PRR14L: variants seen among roughly 807,000 people sequenced by gnomAD.
PRR14L encodes protein PRR14L.
In PRR14L, 80 loss-of-function variants were observed where a neutral mutation model predicts 155.0. The ratio of observed to expected loss-of-function variants is 0.52; its 90% CI spans 0.43 to 0.62. PRR14L has a LOEUF of 0.62. PRR14L is among the 20% of genes least tolerant of loss of function. The pLI is 0.00. For missense variants in PRR14L, 2,469 were observed against 2,548.0 expected (o/e 0.97, Z 0.67); for synonymous variants, 883 against 916.0 (o/e 0.96, Z 0.65).
At chr22:31,711,699 G>A (rs1031046852) in intron 4 of PRR14L, among the ~76,000 whole-genome samples, 8 of 144,808 alleles carry the variant, frequency 5.5e-5, no homozygotes, top group Non-Finnish European at 1.2e-4. Context: ...GAGGAGAATC[G>A]CTTGAACCCG....
chr22:31,749,030 T>C (rs1442364719), intron 1 of PRR14L, among the ~76,000 whole-genome samples: 3 of 152,176 alleles, frequency 2.0e-5, no homozygotes, highest in African/African-American at 7.2e-5. Flanking sequence ...TGCTTCTCTG[T>C]GCAAGATATT....
chr22:31,747,818 A>AC (rs1404603357), intron 1 of PRR14L, among the ~76,000 whole-genome samples: 4 of 151,720 alleles, frequency 2.6e-5, no homozygotes, highest in Admixed American at 6.6e-5. Context: ...CAAAAAAAAA[A>AC]AAAAACAAAA....
intron 7 of PRR14L, among the ~76,000 whole-genome samples, chr22:31,701,021 CTT>C (rs1202976605): frequency 6.7e-6 from 1 of 150,206 alleles, no homozygotes; most frequent in South Asian, 2.1e-4. Flanking sequence ...GAGTTTTGCT[CTT>C]GTTGCCTAGG....
chr22:31,706,061 T>G (rs1378989182), intron 4 of PRR14L, among the ~76,000 whole-genome samples: 1 of 150,678 alleles, frequency 6.6e-6, no homozygotes, highest in Non-Finnish European at 1.5e-5. Context: ...CCAATCGTAG[T>G]GACTCACACC....
chr22:31,732,424 C>T (rs1476192771), intron 2 of PRR14L, among the ~76,000 whole-genome samples: 3 of 152,176 alleles, frequency 2.0e-5, no homozygotes, highest in African/African-American at 7.2e-5. Flanking sequence ...ACCTGCTTTC[C>T]TTCTAGGAGT....
chr22:31,714,567 T>C lies in PRR14L; in HGVS notation c.3272A>G (p.Asp1091Gly). Residue 1091 changes from aspartate (D) to glycine (G), a missense_variant, in exon 4 of 9, where the codon GAC (aspartate) becomes GGC (glycine). Coordinates refer to ENST00000327423, the MANE Select transcript of PRR14L (RefSeq NM_173566.3). ...ARQEKLAFQE[D>G]SRSTLSRREL... is the part of the protein sequence containing the mutation. Reference sequence around the variant, plus strand: ...TCTCCGAGACAAGGTACTCCTGGAGTCCTCTTGAAATGCCAGTTTCTCTTG... The same window carrying C: ...TCTCCGAGACAAGGTACTCCTGGAGCCCTCTTGAAATGCCAGTTTCTCTTG... 6.4e-7 allele frequency: 1 copy of C among 1,551,834 alleles called. No individual in the cohort carries two copies. Among genetic ancestry groups the C allele is most frequent in the Non-Finnish European group, 8.7e-7 (1 of 1,147,002 alleles).
chr22:31,696,518 C>T (rs909327412), intron 7 of PRR14L, among the ~76,000 whole-genome samples: 3 of 152,116 alleles, frequency 2.0e-5, no homozygotes, highest in African/African-American at 7.2e-5. Flanking sequence ...AGTGATCCTC[C>T]CACCTTGGCC....
intron 2 of PRR14L, among the ~76,000 whole-genome samples, chr22:31,733,984 C>CT (rs2074765381): frequency 6.6e-6 from 1 of 151,422 alleles, no homozygotes; most frequent in African/African-American, 2.4e-5. Flanking sequence ...TTTTCTTTTT[C>CT]TTTTTTTGAA....
intron 7 of PRR14L, 32 bp from the exon 8 acceptor site, chr22:31,688,259 G>T: frequency 6.5e-7 from 1 of 1,536,218 alleles, no homozygotes; most frequent in South Asian, 1.2e-5. Context: ...AATTCTTCAG[G>T]TTCTCTCTCT....
chr22:31,714,510 C>T lies in PRR14L; in HGVS notation c.3329G>A (p.Gly1110Asp). The T allele has an allele frequency of 6.4e-7, 1 of 1,552,150 alleles. No individual in the cohort carries two copies. The highest frequency in any genetic ancestry group is 8.7e-7 in the Non-Finnish European group (1 of 1,147,084). ...AGTAACTGGGAAATCTGAATCCTGA[C>T]CAGTTGTTCCTGTATGTGCAGCATC... The part of the protein sequence containing the change: ...ELDAAHTGTT[G>D]QDSDFPVTAA... The change falls in exon 4 of 9, where the codon GGT becomes GAT. Residue 1110 changes from glycine (G) to aspartate (D), a missense_variant. Transcript: ENST00000327423.
At chr22:31,689,895 G>A (rs1362356079) in intron 7 of PRR14L, among the ~76,000 whole-genome samples, 2 of 151,414 alleles carry the variant, frequency 1.3e-5, no homozygotes, top group Non-Finnish European at 2.9e-5. Flanking sequence ...ACAGGCATCC[G>A]CCACCACACC....
At chr22:31,744,941 T>TA (rs1255607121) in intron 1 of PRR14L, among the ~76,000 whole-genome samples, 2 of 152,194 alleles carry the variant, frequency 1.3e-5, no homozygotes, top group African/African-American at 4.8e-5. Flanking sequence ...GCACATTGGC[T>TA]AGAGAACCAA....
Position 31,714,781 on chromosome 22 carries a change from C to T in PRR14L, c.3058G>A (p.Gly1020Ser). Residue 1020 changes from glycine (G) to serine (S), a missense_variant, in exon 4 of 9, where the codon GGC (glycine) becomes AGC (serine). By Grantham distance (56) the Gly-to-Ser change is moderately conservative (BLOSUM62 0). Around this residue, in one of 2 missense-constraint regions of PRR14L, gnomAD observed 2,363 missense variants for 2,371.6 expected, o/e 1.00. Transcript: ENST00000327423. ...CCACAAGGTAGTGAGTTATTACTGCCTGAGCTGACCAGCAGATCCTTTTGG... is the reference window on the plus strand; with the variant it reads ...CCACAAGGTAGTGAGTTATTACTGCTTGAGCTGACCAGCAGATCCTTTTGG... ...HNQKDLLVSS[G>S]SNNSLPCGSP... 2 of 1,552,316 alleles carry T rather than the reference C, an allele frequency of 1.3e-6. No homozygotes were observed.
chr22:31,683,521 G>GT lies in PRR14L; in HGVS notation c.*2005dup, dbSNP rs1293991363. 2.0e-5 allele frequency: 3 copies of GT among 152,332 alleles called. No individual in the cohort carries two copies. Among genetic ancestry groups the GT allele is most frequent in the South Asian group, 2.1e-4 (1 of 4,822 alleles). The allele number at this position is 152,332 out of a possible 1,614,324, so 9.4% of individuals were successfully genotyped here. A position where few individuals can be genotyped will look rare whatever the true frequency, so the allele number is the denominator to read the frequency against. ...GAGGTATTGAGGTGAAACATAGGTC[G>GT]TGTCTATACAGTCTGGGCAAAGTGG... On this transcript the variant is annotated 3_prime_UTR_variant, in exon 9 of 9. Coordinates refer to ENST00000327423, the MANE Select transcript of PRR14L (RefSeq NM_173566.3).
At position 31,682,500 on chromosome 22, in the gene PRR14L, A is replaced by C. The variant is rs1046487187; in HGVS notation, c.*3027T>G. 8 of 152,122 alleles carry C rather than the reference A, an allele frequency of 5.3e-5. No individual in the cohort carries two copies. The highest frequency in any genetic ancestry group is 1.7e-4 in the African/African-American group (7 of 41,430). The allele number at this position is 152,122 out of a possible 1,614,324, so 9.4% of individuals were successfully genotyped here. A position where few individuals can be genotyped will look rare whatever the true frequency, so the allele number is the denominator to read the frequency against. On this transcript the variant is annotated 3_prime_UTR_variant, in exon 9 of 9. Coordinates refer to ENST00000327423, the MANE Select transcript of PRR14L (RefSeq NM_173566.3). ...CAGGAGATGAGGTACAGCTGAACTC[A>C]TGGAGACATGAAGCTGGAAAGGAGA...
chr22:31,718,961 C>A (rs982268462), intron 3 of PRR14L, among the ~76,000 whole-genome samples: 4 of 152,088 alleles, frequency 2.6e-5, no homozygotes, highest in Admixed American at 2.6e-4. Flanking sequence ...GTAATCCCAG[C>A]TACTGGGGAG....
intron 4 of PRR14L, among the ~76,000 whole-genome samples, chr22:31,708,511 G>A (rs184840064): frequency 9.2e-5 from 14 of 151,932 alleles, no homozygotes. Context: ...GTTTTTAGTA[G>A]AGACGAGGTT....
rs1376995966 is a variant in PRR14L, at chr22:31,744,379, C to T, written c.-51-5468G>A. On this transcript the variant is annotated intron_variant, in intron 1 of 8. Coordinates refer to ENST00000327423, the MANE Select transcript of PRR14L (RefSeq NM_173566.3). ...AACTCCCAACCTCAGGTGATCAGTC[C>T]GCCTTGGTCTCCCAAAGTGCTGGGA... Among the ~76,000 whole-genome samples the T allele has an allele frequency of 2.0e-5, 3 of 152,162 alleles. 1 individual carries two copies. Among genetic ancestry groups the T allele is most frequent in the South Asian group, 4.1e-4 (2 of 4,832 alleles).
Position 31,714,120 on chromosome 22 carries a change from A to G in PRR14L, c.3719T>C (p.Ile1240Thr). 1 of 1,551,290 alleles carries G rather than the reference A, an allele frequency of 6.4e-7. No homozygotes were observed. Among genetic ancestry groups the G allele is most frequent in the Non-Finnish European group, 8.7e-7 (1 of 1,146,900 alleles). Residue 1240 changes from isoleucine (I) to threonine (T), a missense_variant, in exon 4 of 9, where the codon ATA becomes ACA. Ile to Thr is a moderately conservative substitution (Grantham distance 89). Transcript: ENST00000327423. The stretch of plus-strand genomic sequence containing the variant: ...TTCTGAATTTTCTTGAGAAGGCATT[A>G]TTTCAATGGATTTCAGGCTTCTTAG... Reference protein sequence around the residue: ...VSLRSLKSIEIMPSQENSETN... With the variant: ...VSLRSLKSIETMPSQENSETN...
Sources: gnomAD v4.1 joint callset for allele counts (sites outside exome capture counted in the v4.1 genomes callset) on GRCh38, gnomAD v4.1.1 for gene constraint, gnomAD v4.1.1 regional missense constraint, MANE v1.5 for transcripts, NCBI Gene and HGNC (gene_info 2026-07-23, HGNC 2026-07-21) for gene names.